Variants in SAV1 observed in about 807,000 individuals in gnomAD.
The protein encoded by SAV1 is protein salvador homolog 1.
A neutral mutation model predicts 47.3 loss-of-function variants in SAV1; 23 were observed. The ratio of observed to expected loss-of-function variants is 0.49; its 90% confidence interval spans 0.35 to 0.69. The LOEUF (loss-of-function observed/expected upper bound fraction) is 0.69. SAV1 is among the 30% of genes least tolerant of loss of function. The pLI, the probability that SAV1 is intolerant of heterozygous loss-of-function variation, is 0.01. For missense variants in SAV1, 448 were observed against 457.4 expected (o/e 0.98, Z 0.19); for synonymous variants, 155 against 159.2 (o/e 0.97, Z 0.20).
intron 4 of SAV1, among the ~76,000 whole-genome samples, chr14:50,640,381 A>C (rs1020247685): frequency 3.9e-5 from 6 of 152,120 alleles, no homozygotes; most frequent in Non-Finnish European, 4.4e-5. Context: ...CAGCCTCCCG[A>C]AGTGCTGGGA....
intron 4 of SAV1, among the ~76,000 whole-genome samples, chr14:50,635,990 A>G (rs2039631759): frequency 6.6e-6 from 1 of 152,126 alleles, no homozygotes; most frequent in Non-Finnish European, 1.5e-5. Flanking sequence ...TAACTTTGGG[A>G]GCCACCGCGC....
chr14:50,638,982 TG>T (rs1383159706), intron 4 of SAV1, among the ~76,000 whole-genome samples: 2 of 152,206 alleles, frequency 1.3e-5, no homozygotes, highest in African/African-American at 4.8e-5. Flanking sequence ...TTAGCCAGGA[TG>T]GTCTCGATCT....
In SAV1 at chr14:50,667,999, C is replaced by A. The variant is rs780054285; in HGVS notation, c.-32G>T. ...CGACGAGGCCCGAGGCCGCGCTGAACTGCCTCCCTAGGGCTCCGCGCCGGG... is the reference window on the plus strand; with the variant it reads ...CGACGAGGCCCGAGGCCGCGCTGAAATGCCTCCCTAGGGCTCCGCGCCGGG... On this transcript the variant is annotated 5_prime_UTR_variant, in exon 1 of 5. Coordinates refer to ENST00000324679, the MANE Select transcript of SAV1 (RefSeq NM_021818.4). The A allele has an allele frequency of 1.3e-6, 2 of 1,583,452 alleles. No individual in the cohort carries two copies. The highest frequency in any genetic ancestry group is 4.6e-5 in the East Asian group (2 of 43,094).
At chr14:50,667,336 A>G (rs764469393) in intron 1 of SAV1, 2 of 445,416 alleles carry the variant, frequency 4.5e-6, no homozygotes, top group Non-Finnish European at 9.1e-6. Flanking sequence ...TGTAAGAGTG[A>G]TGAGGCTTTG....
intron 1 of SAV1, among the ~76,000 whole-genome samples, chr14:50,665,906 A>G (rs941657030): frequency 6.6e-6 from 1 of 152,234 alleles, no homozygotes; most frequent in African/African-American, 2.4e-5. Flanking sequence ...ATAAAATATC[A>G]ATAATCTTAT....
chr14:50,658,908 T>C (rs1372870514), intron 2 of SAV1, among the ~76,000 whole-genome samples: 1 of 152,166 alleles, frequency 6.6e-6, no homozygotes, highest in East Asian at 1.9e-4. Flanking sequence ...CTGTTTGGCA[T>C]GTAATTGGTT....
At chr14:50,661,963 T>C (rs1474284965) in intron 2 of SAV1, among the ~76,000 whole-genome samples, 1 of 152,198 alleles carries the variant, frequency 6.6e-6, no homozygotes, top group East Asian at 1.9e-4. Context: ...TCCTTGTTGG[T>C]TCTGTGGAAA....
rs115179259 is a variant in SAV1 at position 50,657,719 on chromosome 14, A to G, written c.535+7460T>C. Among the ~76,000 whole-genome samples the G allele has an allele frequency of 5.7e-3, 861 of 152,342 alleles. 10 individuals carry two copies. Among genetic ancestry groups the G allele is most frequent in the African/African-American group, 0.019 (806 of 41,580 alleles). On this transcript the variant is annotated intron_variant, in intron 2 of 4. Coordinates refer to ENST00000324679, the MANE Select transcript of SAV1 (RefSeq NM_021818.4). ...TTGAAAGTAATAAACTGGATTCACA[A>G]TTAATCCTCAAAACAGCTTCTATTT...
chr14:50,634,209 G>A lies in SAV1; in HGVS notation c.*974C>T. 2.2e-6 allele frequency: 1 copy of A among 454,900 alleles called. No homozygotes were observed. The highest frequency in any genetic ancestry group is 6.9e-5 in the East Asian group (1 of 14,402). The allele number at this position is 454,900 out of a possible 1,614,324, so 28.2% of individuals were successfully genotyped here. On this transcript the variant is annotated 3_prime_UTR_variant, in exon 5 of 5. Coordinates refer to ENST00000324679, the MANE Select transcript of SAV1 (RefSeq NM_021818.4). ...AGGAAGATGATGTTAGCAACTTTGA[G>A]TTTCACGCACCTTCCCAATACAGGC... is the stretch of plus-strand genomic sequence containing the variant.
chr14:50,667,496 C>G (rs1184651492), intron 1 of SAV1: 5 of 461,678 alleles, frequency 1.1e-5, no homozygotes, highest in South Asian at 7.7e-5. Flanking sequence ...CACATCTCGA[C>G]GCATCTAAAA....
intron 2 of SAV1, among the ~76,000 whole-genome samples, chr14:50,648,402 A>G (rs2039739772): frequency 6.6e-6 from 1 of 152,224 alleles, no homozygotes; most frequent in Admixed American, 6.5e-5. Context: ...GTTAATACTC[A>G]GAACTGTGTA....
intron 1 of SAV1, among the ~76,000 whole-genome samples, chr14:50,666,781 T>TAA (rs780489912): frequency 1.3e-4 from 18 of 137,124 alleles, no homozygotes; most frequent in African/African-American, 2.1e-4. Context: ...ATCAAGTTGT[T>TAA]AAAAAAAAAA....
chr14:50,639,389 A>T (rs1040905340), intron 4 of SAV1, among the ~76,000 whole-genome samples: 3 of 152,192 alleles, frequency 2.0e-5, no homozygotes, highest in Non-Finnish European at 4.4e-5. Context: ...TAATTCATAG[A>T]TAACCACTCA....
intron 3 of SAV1, among the ~76,000 whole-genome samples, chr14:50,642,578 T>C (rs2039689662): frequency 6.6e-6 from 1 of 151,538 alleles, no homozygotes; most frequent in South Asian, 2.1e-4. Context: ...CCCCAAGCCA[T>C]GCAATTTACC....
chr14:50,652,448 C>T (rs2039777116), intron 2 of SAV1, among the ~76,000 whole-genome samples: 2 of 152,110 alleles, frequency 1.3e-5, no homozygotes, highest in South Asian at 4.1e-4. Context: ...CGAAAGGAAC[C>T]AGGGATCCTT....
At chr14:50,647,601 C>G (rs573594732) in intron 2 of SAV1, among the ~76,000 whole-genome samples, 1 of 151,966 alleles carries the variant, frequency 6.6e-6, no homozygotes, top group South Asian at 2.1e-4. Flanking sequence ...ACAAAACGAC[C>G]CAGTTAAAAA....
At chr14:50,667,135 T>A (rs535131854) in intron 1 of SAV1, among the ~76,000 whole-genome samples, 67 of 150,554 alleles carry the variant, frequency 4.5e-4, no homozygotes, top group Non-Finnish European at 9.2e-4. Context: ...AACTCAAAAA[T>A]CAAATACTTA....
rs923144348 is a variant in SAV1 at position 50,653,865 on chromosome 14, C to A, written c.536-8851G>T. Reference sequence around the variant, plus strand: ...ACCTGGCAACAGAGTGAGACTCCATCTCAAAAAAAAAAAAAAGTTATATTT... The same window carrying A: ...ACCTGGCAACAGAGTGAGACTCCATATCAAAAAAAAAAAAAAGTTATATTT... On this transcript the variant is annotated intron_variant, in intron 2 of 4. Transcript: ENST00000324679. 2.0e-5 allele frequency among the ~76,000 whole-genome samples: 3 copies of A among 147,358 alleles called. No homozygotes were observed. The East Asian group carries it at 5.9e-4, about 29-fold the overall frequency.
intron 2 of SAV1, among the ~76,000 whole-genome samples, chr14:50,648,311 G>A (rs1444968967): frequency 1.3e-5 from 2 of 152,118 alleles, no homozygotes; most frequent in East Asian, 1.9e-4. Context: ...ACTATAAGAG[G>A]ACAACCTAAG....
Sources: gnomAD v4.1 joint callset for allele counts (sites outside exome capture counted in the v4.1 genomes callset) on GRCh38, gnomAD v4.1.1 for gene constraint, MANE v1.5 for transcripts, NCBI Gene and HGNC (gene_info 2026-07-23, HGNC 2026-07-21) for gene names.